Variants in ZC3H12D observed in about 807,000 individuals in gnomAD.
The protein encoded by ZC3H12D is probable ribonuclease ZC3H12D.
In ZC3H12D, 11 loss-of-function variants were observed where a neutral mutation model predicts 24.2. The observed-to-expected ratio is 0.46, with a 90% CI of 0.29 to 0.75. The LOEUF (loss-of-function observed/expected upper bound fraction) is 0.75, where lower values mean the gene tolerates loss of function less well. Ranked by LOEUF, ZC3H12D falls within the 30% of genes least tolerant of loss-of-function variation. ZC3H12D has a pLI of 0.11. For missense variants in ZC3H12D, 740 were observed against 767.7 expected, an observed-to-expected ratio of 0.96 and a Z score of 0.43; for synonymous variants, 333 against 341.8, an observed-to-expected ratio of 0.97 and a Z score of 0.28.
chr6:149,479,513 G>A (rs750497541), intron 1 of ZC3H12D, among the ~76,000 whole-genome samples: 1 of 152,112 alleles, frequency 6.6e-6, no homozygotes, highest in African/African-American at 2.4e-5. Flanking sequence ...CAGTCACCCC[G>A]GAGCCTACAG....
chr6:149,451,383 G>A lies in ZC3H12D; in HGVS notation c.884C>T (p.Thr295Ile). The A allele has an allele frequency of 6.4e-7, 1 of 1,557,266 alleles. No individual in the cohort carries two copies. The highest frequency in any genetic ancestry group is 8.6e-7 in the Non-Finnish European group (1 of 1,163,110). ...LAVADELRAKTGARPGAGAEE... is the reference protein window; with the variant it reads ...LAVADELRAKIGARPGAGAEE... ...GGCGCCCGCGCCAGGCCGGGCCCCT[G>A]TCTTGGCGCGGAGCTCGTCGGCCAC... Residue 295 changes from threonine (T) to isoleucine (I), a missense_variant, in exon 6 of 6, where the codon ACA becomes ATA. Coordinates refer to ENST00000409806, the MANE Select transcript of ZC3H12D (RefSeq NM_207360.3).
chr6:149,452,160 A>G lies in ZC3H12D; in HGVS notation c.787+456T>C, dbSNP rs965189633. Reference sequence around the variant, plus strand: ...ATCAAATAACTTGACGAAGCAAGTCAGTGAAAGAGCTGGCTAGAAGGCTGG... The same window carrying G: ...ATCAAATAACTTGACGAAGCAAGTCGGTGAAAGAGCTGGCTAGAAGGCTGG... On this transcript the variant is annotated intron_variant, in intron 5 of 5. Coordinates refer to ENST00000409806, the MANE Select transcript of ZC3H12D (RefSeq NM_207360.3). This position sits in a 1 kb window ranked among gnomAD's most constrained non-coding sequence, Gnocchi z 4.0. The G allele has an allele frequency of 6.3e-6, 1 of 159,292 alleles. No homozygotes were observed. Among genetic ancestry groups the G allele is most frequent in the Non-Finnish European group, 1.4e-5 (1 of 73,166 alleles). 9.9% of individuals were successfully genotyped at this position (159,292 alleles called of 1,614,324 possible). A position where few individuals can be genotyped will look rare whatever the true frequency, so the allele number is the denominator to read the frequency against.
In ZC3H12D at chr6:149,450,592, G is replaced by T; in HGVS notation, c.*91C>A. Reference sequence around the variant, plus strand: ...TAAAGAAAAGGGGGCACCATGATGGGCCCACTCAGGTCCAGGCTGGCAACC... The same window carrying T: ...TAAAGAAAAGGGGGCACCATGATGGTCCCACTCAGGTCCAGGCTGGCAACC... On this transcript the variant is annotated 3_prime_UTR_variant, in exon 6 of 6. Coordinates refer to ENST00000409806, the MANE Select transcript of ZC3H12D (RefSeq NM_207360.3). 7.9e-7 allele frequency: 1 copy of T among 1,267,856 alleles called. No individual in the cohort carries two copies. The highest frequency in any genetic ancestry group is 1.1e-6 in the Non-Finnish European group (1 of 949,906). The allele number at this position is 1,267,856 out of a possible 1,614,324, so 78.5% of individuals were successfully genotyped here. A position where few individuals can be genotyped will look rare whatever the true frequency, so the allele number is the denominator to read the frequency against.
At chr6:149,476,091 T>C (rs1276627963) in intron 1 of ZC3H12D, among the ~76,000 whole-genome samples, 1 of 152,262 alleles carries the variant, frequency 6.6e-6, no homozygotes, top group Non-Finnish European at 1.5e-5. Context: ...GCTTCCTCTG[T>C]ACATTTACTT....
At chr6:149,463,497 T>G (rs1776107072) in intron 2 of ZC3H12D, among the ~76,000 whole-genome samples, 2 of 152,078 alleles carry the variant, frequency 1.3e-5, no homozygotes, top group African/African-American at 4.8e-5. Flanking sequence ...GATCATGAGG[T>G]CAGGAGATCA....
rs1583182454 is a variant in ZC3H12D, at chr6:149,450,803, G to A, written c.1464C>T (p.Val488=). ...CGCGGTCCACCTGGTCACGCGGGAA[G>A]ACGCTGTAGAGCGCGATGCGAGCCC... is the stretch of plus-strand genomic sequence containing the variant. ...RARARIALYS[V]FPRDQVDRVM... is the part of the protein sequence containing the mutation. The change falls in exon 6 of 6, where the codon GTC becomes GTT. Residue 488 remains valine, a synonymous_variant. Transcript: ENST00000409806. The A allele has an allele frequency of 1.9e-6, 3 of 1,548,704 alleles. No individual in the cohort carries two copies.
chr6:149,474,461 C>G lies in ZC3H12D; in HGVS notation c.83G>C (p.Gly28Ala), dbSNP rs925007186. ...EDVLRVLGKLGEGALVNDVLQ... is the reference protein window; with the variant it reads ...EDVLRVLGKLAEGALVNDVLQ... ...CACGTCGTTGACCAGGGCGCCCTCG[C>G]CCAGCTTGCCCAACACCCGGAGCAC... Residue 28 changes from glycine (G) to alanine (A), a missense_variant, in exon 2 of 6, where the codon GGC (glycine) becomes GCC (alanine). Coordinates refer to ENST00000409806, the MANE Select transcript of ZC3H12D (RefSeq NM_207360.3). The G allele has an allele frequency of 6.3e-6, 10 of 1,594,546 alleles. No homozygotes were observed. The East Asian group carries it at 1.6e-4, about 25-fold the overall frequency.
Position 149,456,623 on chromosome 6 carries a change from G to T in ZC3H12D, c.680+43C>A. On this transcript the variant is annotated intron_variant, in intron 4 of 5. Coordinates refer to ENST00000409806, the MANE Select transcript of ZC3H12D (RefSeq NM_207360.3). The surrounding 1 kb of genome is among the most constrained non-coding windows in gnomAD (Gnocchi z 4.3). The stretch of plus-strand genomic sequence containing the variant: ...GCCACTGCCTCGACCCCGGCCCCCC[G>T]CCCCGCCGCCCCCCAGGGTGTCAGG... The T allele has an allele frequency of 1.3e-6, 1 of 744,588 alleles. No homozygotes were observed. 46.1% of individuals were successfully genotyped at this position (744,588 alleles called of 1,614,324 possible).
At chr6:149,454,381 T>C (rs1312055463) in intron 4 of ZC3H12D, among the ~76,000 whole-genome samples, 1 of 152,248 alleles carries the variant, frequency 6.6e-6, no homozygotes, top group Non-Finnish European at 1.5e-5. Context: ...TATGGGTTGC[T>C]GTCCCCCTAA....
At chr6:149,455,820 T>C (rs1354981346) in intron 4 of ZC3H12D, among the ~76,000 whole-genome samples, 1 of 151,872 alleles carries the variant, frequency 6.6e-6, no homozygotes, top group African/African-American at 2.4e-5. Context: ...GAGGATCGCT[T>C]GAGCCCAGGT....
Position 149,452,774 on chromosome 6 carries a change from G to C in ZC3H12D, c.681-52C>G, listed in dbSNP as rs1775922875. The C allele has an allele frequency of 6.7e-7, 1 of 1,497,184 alleles. No homozygotes were observed. Among genetic ancestry groups the C allele is most frequent in the African/African-American group, 1.4e-5 (1 of 72,420 alleles). The allele number at this position is 1,497,184 out of a possible 1,614,324, so 92.7% of individuals were successfully genotyped here. A position where few individuals can be genotyped will look rare whatever the true frequency, so the allele number is the denominator to read the frequency against. Reference sequence around the variant, plus strand: ...CAAGACCACCTGGGATTTGCCACCAGCACCTGTACAAAGGGAGCAGGCCCA... The same window carrying C: ...CAAGACCACCTGGGATTTGCCACCACCACCTGTACAAAGGGAGCAGGCCCA... On this transcript the variant is annotated intron_variant, in intron 4 of 5. Transcript: ENST00000409806. This position sits in a 1 kb window ranked among gnomAD's most constrained non-coding sequence, Gnocchi z 4.0.
intron 1 of ZC3H12D, among the ~76,000 whole-genome samples, chr6:149,475,021 C>T (rs1056729479): frequency 6.6e-6 from 1 of 152,114 alleles, no homozygotes; most frequent in African/African-American, 2.4e-5. Context: ...GAGCTATGAC[C>T]TCTAAAAGGA....
rs1446796695 is a variant in ZC3H12D at position 149,451,233 on chromosome 6, C to T, written c.1034G>A (p.Ser345Asn). 1 of 1,300,892 alleles carries T rather than the reference C, an allele frequency of 7.7e-7. No individual in the cohort carries two copies. Among genetic ancestry groups the T allele is most frequent in the Non-Finnish European group, 9.7e-7 (1 of 1,031,030 alleles). The allele number at this position is 1,300,892 out of a possible 1,614,324, so 80.6% of individuals were successfully genotyped here. A position where few individuals can be genotyped will look rare whatever the true frequency, so the allele number is the denominator to read the frequency against. ...GTCGCTGAAGGCCAGCCGAGAGAAGCTCCCTCGCAGGGCGGCCAGGTCCGG... is the reference window on the plus strand; with the variant it reads ...GTCGCTGAAGGCCAGCCGAGAGAAGTTCCCTCGCAGGGCGGCCAGGTCCGG... ...GSPDLAALRG[S>N]FSRLAFSDDL... The change falls in exon 6 of 6, where the codon AGC (serine) becomes AAC (asparagine). Residue 345 changes from serine (S) to asparagine (N), a missense_variant. By Grantham distance (46) the Ser-to-Asn change is conservative (BLOSUM62 1). Coordinates refer to ENST00000409806, the MANE Select transcript of ZC3H12D (RefSeq NM_207360.3).
chr6:149,449,923 G>C lies in ZC3H12D; in HGVS notation c.*760C>G, dbSNP rs1775857198. On this transcript the variant is annotated 3_prime_UTR_variant, in exon 6 of 6. Coordinates refer to ENST00000409806, the MANE Select transcript of ZC3H12D (RefSeq NM_207360.3). ...TGTGTGAGTATGTACATGTATGATA[G>C]ACTGTGTGTGTGTGTGTGTGTGTGT... is the stretch of plus-strand genomic sequence containing the variant. 6.9e-6 allele frequency: 1 copy of C among 144,838 alleles called. No individual in the cohort carries two copies. Among genetic ancestry groups the C allele is most frequent in the Admixed American group, 6.9e-5 (1 of 14,586 alleles). 9.0% of individuals were successfully genotyped at this position (144,838 alleles called of 1,614,324 possible).
chr6:149,479,633 G>A (rs1193406003), intron 1 of ZC3H12D, among the ~76,000 whole-genome samples: 1 of 152,108 alleles, frequency 6.6e-6, no homozygotes, highest in Admixed American at 6.5e-5. Context: ...AATTACTCAG[G>A]TATCCTGACC....
intron 2 of ZC3H12D, among the ~76,000 whole-genome samples, chr6:149,470,542 AAAAAT>A (rs1776228311): frequency 6.6e-6 from 1 of 151,930 alleles, no homozygotes; most frequent in Non-Finnish European, 1.5e-5. Flanking sequence ...TGAAGAAAAA[AAAAAT>A]AAAAATAAAA....
chr6:149,457,399 G>T (rs897783380), intron 3 of ZC3H12D, among the ~76,000 whole-genome samples: 5 of 152,182 alleles, frequency 3.3e-5, no homozygotes, highest in Non-Finnish European at 7.3e-5. Context: ...CACCATCCAG[G>T]AACCTGCCTG....
At position 149,471,099 on chromosome 6, in the gene ZC3H12D, G is replaced by A. The variant is rs530195617; in HGVS notation, c.305+3140C>T. ...TACGTTGACCCACCTCTTACAAAAT[G>A]AGGAATGATGCCAGTAGTCCTGCTT... On this transcript the variant is annotated intron_variant, in intron 2 of 5. Coordinates refer to ENST00000409806, the MANE Select transcript of ZC3H12D (RefSeq NM_207360.3). Among the ~76,000 whole-genome samples the A allele has an allele frequency of 3.1e-4, 47 of 152,354 alleles. 1 individual carries two copies. Among genetic ancestry groups the A allele is most frequent in the Admixed American group, 2.5e-3 (39 of 15,308 alleles).
At chr6:149,458,413 G>T (rs1776021675) in intron 3 of ZC3H12D, among the ~76,000 whole-genome samples, 1 of 152,010 alleles carries the variant, frequency 6.6e-6, no homozygotes, top group Non-Finnish European at 1.5e-5. Flanking sequence ...GGGATTACAG[G>T]CGTGAGTCAC....
Sources: allele counts gnomAD v4.1 joint callset (sites outside exome capture counted in the v4.1 genomes callset), GRCh38; gene constraint gnomAD v4.1.1; non-coding constraint Gnocchi (gnomAD v3.1); transcripts MANE v1.5; gene names NCBI Gene and HGNC (gene_info 2026-07-23, HGNC 2026-07-21).